Variants in RALYL observed in about 807,000 individuals in gnomAD.
RALYL encodes RNA-binding Raly-like protein.
In RALYL, 29 loss-of-function variants were observed where a neutral mutation model predicts 35.1. The observed-to-expected ratio is 0.83, with a 90% CI of 0.61 to 1.13. The LOEUF (loss-of-function observed/expected upper bound fraction) is 1.13, where lower values mean the gene tolerates loss of function less well. RALYL is among the 50% of genes most tolerant of loss of function. The pLI, the probability that RALYL is intolerant of heterozygous loss-of-function variation, is 0.00. For missense variants in RALYL, 359 were observed against 360.4 expected (o/e 1.00, Z 0.03); for synonymous variants, 120 against 127.6 (o/e 0.94, Z 0.40).
At chr8:84,508,728 C>A (rs1279635067) in intron 1 of RALYL, among the ~76,000 whole-genome samples, 1 of 151,736 alleles carries the variant, frequency 6.6e-6, no homozygotes, top group Admixed American at 6.6e-5. Flanking sequence ...AAGTGTTAAC[C>A]ATTTCTACTT....
intron 4 of RALYL, among the ~76,000 whole-genome samples, chr8:84,822,244 T>C (rs1205387323): frequency 6.6e-6 from 1 of 152,184 alleles, no homozygotes; most frequent in African/African-American, 2.4e-5. Context: ...TAAAGATGTG[T>C]TCTGTAAATC....
At chr8:84,732,542 G>A (rs1235689664) in intron 2 of RALYL, among the ~76,000 whole-genome samples, 2 of 151,568 alleles carry the variant, frequency 1.3e-5, no homozygotes, top group African/African-American at 4.8e-5. Context: ...TTTTGAGGGA[G>A]AAATGTCATT....
chr8:84,832,004 C>T (rs1563700298), intron 4 of RALYL, among the ~76,000 whole-genome samples: 1 of 151,892 alleles, frequency 6.6e-6, no homozygotes, highest in Non-Finnish European at 1.5e-5. Context: ...AGTGCATGTG[C>T]CTAGAGGAAT....
intron 1 of RALYL, among the ~76,000 whole-genome samples, chr8:84,245,577 G>C (rs181685779): frequency 1.8e-4 from 28 of 152,224 alleles, no homozygotes; most frequent in African/African-American, 6.7e-4. Flanking sequence ...CTCTATTGCT[G>C]TTCTTATTGT....
At chr8:84,881,358 A>G (rs1193859476) in intron 7 of RALYL, among the ~76,000 whole-genome samples, 1 of 151,994 alleles carries the variant, frequency 6.6e-6, no homozygotes, top group Non-Finnish European at 1.5e-5. Context: ...AAGGATACTA[A>G]CTTGGCTCTA....
chr8:84,190,743 G>A (rs1037426725), intron 1 of RALYL, among the ~76,000 whole-genome samples: 1 of 152,174 alleles, frequency 6.6e-6, no homozygotes, highest in African/African-American at 2.4e-5. Context: ...TGACCAATGT[G>A]CAATGGAAAT....
At chr8:84,460,908 A>C (rs2050695117) in intron 1 of RALYL, among the ~76,000 whole-genome samples, 1 of 151,608 alleles carries the variant, frequency 6.6e-6, no homozygotes, top group South Asian at 2.1e-4. Context: ...GGGAAGAAAA[A>C]AATTACACAA....
chr8:84,620,200 G>T (rs1174648831), intron 2 of RALYL, among the ~76,000 whole-genome samples: 2 of 152,158 alleles, frequency 1.3e-5, no homozygotes, highest in African/African-American at 4.8e-5. Flanking sequence ...TTCCAACTTG[G>T]TTCCATTCTC....
intron 1 of RALYL, among the ~76,000 whole-genome samples, chr8:84,190,276 A>G (rs924872158): frequency 6.6e-6 from 1 of 152,218 alleles, no homozygotes; most frequent in African/African-American, 2.4e-5. Flanking sequence ...ACATATTTGT[A>G]TGTGACATTT....
intron 2 of RALYL, among the ~76,000 whole-genome samples, chr8:84,727,203 C>T (rs1845126608): frequency 6.6e-6 from 1 of 151,516 alleles, no homozygotes; most frequent in Admixed American, 6.6e-5. Flanking sequence ...ACATTCATGC[C>T]AAGATAATGT....
intron 5 of RALYL, among the ~76,000 whole-genome samples, chr8:84,860,648 G>A (rs959014758): frequency 1.3e-5 from 2 of 152,168 alleles, no homozygotes; most frequent in South Asian, 4.1e-4. Context: ...ACTATTATGT[G>A]TTGACATCCA....
chr8:84,364,077 T>C (rs1305940854), intron 1 of RALYL, among the ~76,000 whole-genome samples: 1 of 152,146 alleles, frequency 6.6e-6, no homozygotes, highest in African/African-American at 2.4e-5. Flanking sequence ...CAAACTTAGG[T>C]ATCCCCAAGG....
At chr8:84,757,239 C>T (rs1224789729) in intron 2 of RALYL, among the ~76,000 whole-genome samples, 2 of 152,078 alleles carry the variant, frequency 1.3e-5, no homozygotes, top group African/African-American at 4.8e-5. Flanking sequence ...TCATATGCAG[C>T]AGAAGATGCC....
Position 84,838,681 on chromosome 8 carries a change from A to T in RALYL, c.366-11299A>T, listed in dbSNP as rs149454513. Among the ~76,000 whole-genome samples, 816 of 152,368 alleles carry T rather than the reference A, an allele frequency of 5.4e-3. 17 individuals are homozygous for T. Among genetic ancestry groups the T allele is most frequent in the Admixed American group, 0.039 (598 of 15,310 alleles). Reference sequence around the variant, plus strand: ...TAACTGGTTCTTGTAAATACATCTTAGCAGTCAGGATTGAACAAAAAAAAG... The same window carrying T: ...TAACTGGTTCTTGTAAATACATCTTTGCAGTCAGGATTGAACAAAAAAAAG... On this transcript the variant is annotated intron_variant, in intron 4 of 8. Transcript: ENST00000521268.
At chr8:84,745,379 A>G (rs1395052460) in intron 2 of RALYL, among the ~76,000 whole-genome samples, 3 of 151,996 alleles carry the variant, frequency 2.0e-5, no homozygotes, top group African/African-American at 7.2e-5. Context: ...ATGATGAAAA[A>G]ATTTTAGTGC....
intron 1 of RALYL, among the ~76,000 whole-genome samples, chr8:84,348,561 CA>C (rs1850277168): frequency 6.6e-6 from 1 of 152,074 alleles, no homozygotes; most frequent in Non-Finnish European, 1.5e-5. Flanking sequence ...AGGGTCTGAT[CA>C]AATCATTGCA....
rs527621437 is a variant in RALYL at position 84,900,093 on chromosome 8, G to C, written c.858+12317G>C. 1.4e-4 allele frequency among the ~76,000 whole-genome samples: 22 copies of C among 152,254 alleles called. No individual in the cohort carries two copies. The Middle Eastern group carries it at 0.01, about 71-fold the overall frequency. ...CAATTTTCAAACAGCCTCTCATGAT[G>C]TTAAAAGCCAAATAACAAATCTAGA... On this transcript the variant is annotated intron_variant, in intron 8 of 8. Coordinates refer to ENST00000521268, the MANE Select transcript of RALYL (RefSeq NM_173848.7).
chr8:84,634,813 C>A (rs1055470920), intron 2 of RALYL, among the ~76,000 whole-genome samples: 7 of 151,620 alleles, frequency 4.6e-5, no homozygotes, highest in African/African-American at 1.7e-4. Flanking sequence ...AATTGACAAC[C>A]ACTCCGATTT....
At chr8:84,682,985 A>G (rs186757434) in intron 2 of RALYL, among the ~76,000 whole-genome samples, 29 of 152,314 alleles carry the variant, frequency 1.9e-4, no homozygotes, top group African/African-American at 6.5e-4. Context: ...ATTTAGTGCT[A>G]TAAATTTCCC....
Sources: gnomAD v4.1 joint callset for allele counts (sites outside exome capture counted in the v4.1 genomes callset) on GRCh38, gnomAD v4.1.1 for gene constraint, MANE v1.5 for transcripts, NCBI Gene and HGNC (gene_info 2026-07-23, HGNC 2026-07-21) for gene names.